The following COL9A1 variants were observed in gnomAD, a reference collection of about 807,000 sequenced individuals.
The protein encoded by COL9A1 is collagen alpha-1(IX) chain.
COL9A1 carries 104 observed loss-of-function variants against 142.6 expected under a neutral mutation model. The observed-to-expected ratio is 0.73, with a 90% CI of 0.62 to 0.86. COL9A1 has a LOEUF of 0.86. Ranked by LOEUF, COL9A1 falls within the 40% of genes least tolerant of loss-of-function variation. The pLI is 0.00. For synonymous variants in COL9A1, 466 were observed against 396.0 expected (o/e 1.18, Z -2.10); for missense variants, 1,210 against 1,176.6 (o/e 1.03, Z -0.42).
chr6:70,234,759 C>T, intron 34 of COL9A1, 35 bp downstream of exon 34: 1 of 1,613,936 alleles, frequency 6.2e-7, no homozygotes. Flanking sequence ...GATGGAGTCT[C>T]CAAAGGGAAA....
rs767750806 is a variant in COL9A1, at chr6:70,266,706, A to G, written c.1341+11T>C. 2 of 1,609,932 alleles carry G rather than the reference A, an allele frequency of 1.2e-6. No homozygotes were observed. Among genetic ancestry groups the G allele is most frequent in the South Asian group, 2.2e-5 (2 of 90,966 alleles). On this transcript the variant is annotated intron_variant, in intron 18 of 37. Transcript: ENST00000357250. ...ATCACAATTTATCCACTAAATACCC[A>G]TTTTCCTTACCTTGTGTCCTTGTCT... is the stretch of plus-strand genomic sequence containing the variant.
chr6:70,253,454 A>C, intron 25 of COL9A1, 25 bp from the exon 26 acceptor site: 1 of 1,553,370 alleles, frequency 6.4e-7, no homozygotes. Context: ...ACACAATCCT[A>C]GTTTAATCAC....
downstream of COL9A1, chr6:70,215,389 T>A (rs1583184656): frequency 6.6e-6 from 1 of 152,192 alleles, no homozygotes; most frequent in African/African-American, 2.4e-5. Flanking sequence ...ACGAGAAAAA[T>A]ATATATAAAA....
At chr6:70,274,520 C>T (rs575056908) in intron 11 of COL9A1, among the ~76,000 whole-genome samples, 199 bp downstream of exon 11, 26 of 152,164 alleles carry the variant, frequency 1.7e-4, no homozygotes, top group South Asian at 1.0e-3. Flanking sequence ...GCTCCATCCA[C>T]GTCCCTGCAA....
At chr6:70,267,493 T>C (rs1772103981) in intron 17 of COL9A1, among the ~76,000 whole-genome samples, 1 of 152,108 alleles carries the variant, frequency 6.6e-6, no homozygotes, top group African/African-American at 2.4e-5. Flanking sequence ...CGGCTAATTT[T>C]GTATTTTTAG....
At chr6:70,238,172 T>C (rs972200841) in intron 33 of COL9A1, among the ~76,000 whole-genome samples, 1 of 152,144 alleles carries the variant, frequency 6.6e-6, no homozygotes, top group Non-Finnish European at 1.5e-5. Context: ...TTGGCTGCCA[T>C]GAGGATAATA....
At chr6:70,269,786 C>T in intron 15 of COL9A1, 121 bp from the exon 16 acceptor site, 1 of 668,576 alleles carries the variant, frequency 1.5e-6, no homozygotes. Flanking sequence ...ATATAAGAAA[C>T]CAGATAATAT....
At chr6:70,299,434 A>C (rs1443092058) in intron 4 of COL9A1, among the ~76,000 whole-genome samples, 1 of 152,218 alleles carries the variant, frequency 6.6e-6, no homozygotes, top group African/African-American at 2.4e-5. Context: ...AGATTCATTC[A>C]TAATGATGAC....
Position 70,274,782 on chromosome 6 carries a change from C to G in COL9A1, c.976-10G>C. 6.2e-7 allele frequency: 1 copy of G among 1,609,942 alleles called. No homozygotes were observed. ...CAGGTCCTGTTAATCCCTAATAGAG[C>G]AAGACAATGATGTTAGAACTATCAT... On this transcript the variant is annotated splice_polypyrimidine_tract_variant and intron_variant, in intron 10 of 37. Coordinates refer to ENST00000357250, the MANE Select transcript of COL9A1 (RefSeq NM_001851.6).
intron 11 of COL9A1, among the ~76,000 whole-genome samples, chr6:70,274,383 C>G (rs112075981): frequency 2.6e-5 from 4 of 152,082 alleles, no homozygotes; most frequent in African/African-American, 9.6e-5. Context: ...TTCTGACAGG[C>G]CCCTGTGTGT....
chr6:70,267,396 C>T (rs1416607726), intron 17 of COL9A1, among the ~76,000 whole-genome samples: 1 of 149,172 alleles, frequency 6.7e-6, no homozygotes, highest in Non-Finnish European at 1.5e-5. Flanking sequence ...GACCTCTGCT[C>T]ACCGCAACCT....
chr6:70,229,593 G>A (rs893003982), intron 36 of COL9A1, among the ~76,000 whole-genome samples: 1 of 152,038 alleles, frequency 6.6e-6, no homozygotes, highest in Non-Finnish European at 1.5e-5. Flanking sequence ...TTTACATATT[G>A]CAGTGTCTGT....
rs931195542 is a variant in COL9A1, at chr6:70,283,190, C to T, written c.781-272G>A. The T allele has an allele frequency of 3.4e-6, 5 of 1,484,406 alleles. No individual in the cohort carries two copies. The South Asian group carries it at 5.3e-5, about 16-fold the overall frequency. 92.0% of individuals were successfully genotyped at this position (1,484,406 alleles called of 1,614,324 possible). ...CCGGGAGTAGCGGTTGCCAAAGCGT[C>T]CAGGCCCGGGAGGCGCGCGTTCCCC... On this transcript the variant is annotated intron_variant, in intron 6 of 37. Coordinates refer to ENST00000357250, the MANE Select transcript of COL9A1 (RefSeq NM_001851.6).
At chr6:70,294,656 G>T (rs1229509578) in intron 4 of COL9A1, 93 bp from the exon 5 acceptor site, 5 of 1,210,490 alleles carry the variant, frequency 4.1e-6, no homozygotes, top group Non-Finnish European at 6.1e-6. Flanking sequence ...TTAGATGCCA[G>T]ACCTATAGAA....
chr6:70,292,478 C>T (rs150218293), intron 5 of COL9A1, among the ~76,000 whole-genome samples: 2 of 152,226 alleles, frequency 1.3e-5, no homozygotes, highest in Non-Finnish European at 2.9e-5. Flanking sequence ...TGGTACTAAC[C>T]GGTCTCCACT....
intron 4 of COL9A1, among the ~76,000 whole-genome samples, chr6:70,296,715 T>A (rs1431826820): frequency 6.6e-6 from 1 of 152,166 alleles, no homozygotes; most frequent in Admixed American, 6.5e-5. Flanking sequence ...AGCTGGGAGA[T>A]ACATTTTCAA....
At chr6:70,247,960 G>C (rs980498431) in intron 28 of COL9A1, among the ~76,000 whole-genome samples, 2 of 152,158 alleles carry the variant, frequency 1.3e-5, no homozygotes, top group African/African-American at 4.8e-5. Context: ...GGTATTGGAG[G>C]GGTGGTAAAG....
intron 5 of COL9A1, among the ~76,000 whole-genome samples, chr6:70,293,706 G>A (rs956364205): frequency 6.6e-6 from 1 of 150,494 alleles, no homozygotes; most frequent in African/African-American, 2.4e-5. Flanking sequence ...CCAAATCAGC[G>A]AGTCCCTAGG....
intron 10 of COL9A1, chr6:70,279,981 T>C: frequency 1.4e-6 from 1 of 695,492 alleles, no homozygotes; most frequent in Non-Finnish European, 2.7e-6. Context: ...CTTACTTCAC[T>C]TCATATTCCA....
Sources: gnomAD v4.1 joint callset for allele counts (sites outside exome capture counted in the v4.1 genomes callset) on GRCh38, gnomAD v4.1.1 for gene constraint, MANE v1.5 for transcripts, NCBI Gene and HGNC (gene_info 2026-07-23, HGNC 2026-07-21) for gene names.